Variants in ADAMTS2 observed in about 807,000 individuals in gnomAD.
The protein encoded by ADAMTS2 is A disintegrin and metalloproteinase with thrombospondin motifs 2.
A neutral mutation model predicts 123.0 loss-of-function variants in ADAMTS2; 50 were observed. That is an observed-to-expected ratio of 0.41 (90% CI 0.32 to 0.51). The LOEUF (loss-of-function observed/expected upper bound fraction) is 0.51. Among genes scored for constraint, ADAMTS2 ranks in the 20% least tolerant of loss-of-function variants. The pLI is 0.35. For synonymous variants in ADAMTS2, 678 were observed against 695.4 expected (o/e 0.98, Z 0.39); for missense variants, 1,494 against 1,705.2 (o/e 0.88, Z 2.18).
At chr5:179,289,067 G>A (rs1170190964) in intron 2 of ADAMTS2, among the ~76,000 whole-genome samples, 3 of 152,174 alleles carry the variant, frequency 2.0e-5, no homozygotes, top group Non-Finnish European at 4.4e-5. Context: ...TTCCCCGAGA[G>A]CAGGCTGCAG....
chr5:179,340,347 G>A (rs1419525548), intron 2 of ADAMTS2, among the ~76,000 whole-genome samples: 1 of 152,154 alleles, frequency 6.6e-6, no homozygotes, highest in African/African-American at 2.4e-5. Flanking sequence ...CCCCACCAGT[G>A]AGGACTTAGG....
chr5:179,121,963 C>G, intron 20 of ADAMTS2: 2 of 403,474 alleles, frequency 5.0e-6, no homozygotes, highest in Non-Finnish European at 8.8e-6. Flanking sequence ...TCAGCTATCC[C>G]GTCCCTCTCG....
intron 11 of ADAMTS2, among the ~76,000 whole-genome samples, chr5:179,139,266 G>A (rs1763119552): frequency 6.6e-6 from 1 of 152,070 alleles, no homozygotes; most frequent in African/African-American, 2.4e-5. Flanking sequence ...AGAGGAGGGT[G>A]TGGATGAGAA....
At chr5:179,249,337 G>A (rs1332385705) in intron 3 of ADAMTS2, among the ~76,000 whole-genome samples, 1 of 151,924 alleles carries the variant, frequency 6.6e-6, no homozygotes, top group East Asian at 1.9e-4. Flanking sequence ...CTTTACACAT[G>A]AAGGAACCAG....
Position 179,181,138 on chromosome 5 carries a change from A to G in ADAMTS2, c.909T>C (p.His303=). The G allele has an allele frequency of 1.2e-6, 2 of 1,613,880 alleles. No individual in the cohort carries two copies. The highest frequency in any genetic ancestry group is 1.7e-6 in the Non-Finnish European group (2 of 1,179,864). ...TGATGTGGGCACCCAAGGACTCGTC[A>G]TGGTAGATTTCATTGACCTGAAAGA... ...TLMNIVNEIY[H]DESLGAHINV... is the part of the protein sequence containing the mutation. Residue 303 remains histidine, a synonymous_variant, in exon 5 of 22, where the codon CAT becomes CAC. Coordinates refer to ENST00000251582, the MANE Select transcript of ADAMTS2 (RefSeq NM_014244.5). This position sits in a 1 kb window ranked among gnomAD's most constrained non-coding sequence, Gnocchi z 4.1.
At chr5:179,207,971 CCAGCCA>C in intron 3 of ADAMTS2, among the ~76,000 whole-genome samples, 1 of 152,292 alleles carries the variant, frequency 6.6e-6, no homozygotes, top group South Asian at 2.1e-4. Flanking sequence ...GGTGGCAACC[CCAGCCA>C]CAGCAGGGGC....
Position 179,117,170 on chromosome 5 carries a change from G to T in ADAMTS2, c.3179-2846C>A, listed in dbSNP as rs554187154. The stretch of plus-strand genomic sequence containing the variant: ...CCCACCCCATCCTCTCCAGCAGCCT[G>T]GTTTGTGAAACCACTGAGCCCTACC... On this transcript the variant is annotated intron_variant, in intron 21 of 21. Coordinates refer to ENST00000251582, the MANE Select transcript of ADAMTS2 (RefSeq NM_014244.5). This position sits in a 1 kb window ranked among gnomAD's most constrained non-coding sequence, Gnocchi z 4.2. 1.5e-3 allele frequency among the ~76,000 whole-genome samples: 227 copies of T among 152,236 alleles called. No homozygotes were observed. Among genetic ancestry groups the T allele is most frequent in the African/African-American group, 5.0e-3 (206 of 41,560 alleles).
At chr5:179,215,681 G>A (rs1764965806) in intron 3 of ADAMTS2, among the ~76,000 whole-genome samples, 1 of 152,160 alleles carries the variant, frequency 6.6e-6, no homozygotes, top group Non-Finnish European at 1.5e-5. Context: ...AAACAGATGG[G>A]CAAGTGGTAA....
intron 3 of ADAMTS2, among the ~76,000 whole-genome samples, chr5:179,210,411 C>T (rs1010032127): frequency 6.6e-6 from 1 of 152,242 alleles, no homozygotes; most frequent in Non-Finnish European, 1.5e-5. Context: ...TTAAAAACAG[C>T]AAAGGTTTCT....
chr5:179,253,480 C>CA (rs998623616), intron 3 of ADAMTS2, among the ~76,000 whole-genome samples: 10 of 151,904 alleles, frequency 6.6e-5, no homozygotes, highest in African/African-American at 1.9e-4. Context: ...CCCATCTCTA[C>CA]AAAAAATACA....
chr5:179,186,330 G>A (rs904412073), intron 4 of ADAMTS2, among the ~76,000 whole-genome samples: 7 of 152,168 alleles, frequency 4.6e-5, no homozygotes, highest in East Asian at 1.9e-4. Flanking sequence ...GTCCGGGGCC[G>A]GGCTCCTTCT....
At chr5:179,263,821 T>C (rs1383527507) in intron 3 of ADAMTS2, among the ~76,000 whole-genome samples, 1 of 152,266 alleles carries the variant, frequency 6.6e-6, no homozygotes, top group Non-Finnish European at 1.5e-5. Flanking sequence ...CCCATCTGAC[T>C]GCGCGACCTT....
rs900786824 is a variant in ADAMTS2, at chr5:179,128,901, G to A, written c.2458-783C>T. ...CAGGGTGATTTTCAACAGCGAAATC[G>A]CCCCCAAAATAGCACAAAATGTGAT... On this transcript the variant is annotated intron_variant, in intron 16 of 21. Transcript: ENST00000251582. This position sits in a 1 kb window ranked among gnomAD's most constrained non-coding sequence, Gnocchi z 4.9. 2.1e-4 allele frequency among the ~76,000 whole-genome samples: 32 copies of A among 152,120 alleles called. No homozygotes were observed. Among genetic ancestry groups the A allele is most frequent in the Admixed American group, 1.4e-3 (21 of 15,270 alleles).
intron 2 of ADAMTS2, among the ~76,000 whole-genome samples, chr5:179,322,930 C>G (rs1757226901): frequency 6.6e-6 from 1 of 152,244 alleles, no homozygotes; most frequent in African/African-American, 2.4e-5. Context: ...TCCTCCTGAG[C>G]ACGGTGTGGA....
chr5:179,135,459 G>C (rs1399833410), intron 13 of ADAMTS2, among the ~76,000 whole-genome samples: 1 of 152,226 alleles, frequency 6.6e-6, no homozygotes, highest in East Asian at 1.9e-4. Flanking sequence ...AAAGAAAACA[G>C]AGGAGGGCAT....
rs778295250 is a variant in ADAMTS2 at position 179,129,949 on chromosome 5, C to A, written c.2440G>T (p.Gly814Cys). The part of the protein sequence containing the change: ...ETLQTMGPLH[G>C]TITVLVIPVG... The stretch of plus-strand genomic sequence containing the variant: ...GGACTCACCAGAACGGTGATGGTGC[C>A]GTGGAGGGGGCCCATGGTCTGCAGC... Residue 814 changes from glycine to cysteine, a missense_variant, in exon 16 of 22, where the codon GGC (glycine) becomes TGC (cysteine). Physicochemically the swap from Gly to Cys is radical, Grantham distance 159. Around this residue, in one of 6 missense-constraint regions of ADAMTS2, gnomAD observed 953 missense variants for 1,124.7 expected, o/e 0.85. Coordinates refer to ENST00000251582, the MANE Select transcript of ADAMTS2 (RefSeq NM_014244.5). This position sits in a 1 kb window ranked among gnomAD's most constrained non-coding sequence, Gnocchi z 4.1. The A allele has an allele frequency of 6.2e-7, 1 of 1,613,936 alleles. No individual in the cohort carries two copies. The highest frequency in any genetic ancestry group is 8.5e-7 in the Non-Finnish European group (1 of 1,180,022).
intron 10 of ADAMTS2, among the ~76,000 whole-genome samples, chr5:179,148,315 G>A (rs1763289325): frequency 6.6e-6 from 1 of 152,094 alleles, no homozygotes. Context: ...TATTCCTCAA[G>A]CTGTGGAGCA....
intron 3 of ADAMTS2, among the ~76,000 whole-genome samples, chr5:179,247,836 AG>A (rs1238476173): frequency 2.0e-5 from 3 of 152,186 alleles, no homozygotes; most frequent in African/African-American, 4.8e-5. Context: ...AAACTGAGAG[AG>A]TTTGTTTTCT....
At position 179,207,537 on chromosome 5, in the gene ADAMTS2, C is replaced by T. The variant is rs1191391499; in HGVS notation, c.867G>A (p.Lys289=). 4 of 1,469,504 alleles carry T rather than the reference C, an allele frequency of 2.7e-6. No individual in the cohort carries two copies. The highest frequency in any genetic ancestry group is 3.7e-6 in the Non-Finnish European group (4 of 1,091,928). 91.0% of individuals were successfully genotyped at this position (1,469,504 alleles called of 1,614,324 possible). A position where few individuals can be genotyped will look rare whatever the true frequency, so the allele number is the denominator to read the frequency against. The change falls in exon 4 of 22, where the codon AAG becomes AAA. Residue 289 remains lysine, a synonymous_variant. Transcript: ENST00000251582. The part of the protein sequence containing the change: ...VQFHGKEHVQ[K]YLLTLMNIVN... Reference sequence around the variant, plus strand: ...CAATGTTCATGAGTGTCAGCAGGTACTTCTGTACGTGCTCCTTCCCGTGGA... The same window carrying T: ...CAATGTTCATGAGTGTCAGCAGGTATTTCTGTACGTGCTCCTTCCCGTGGA...
Sources: gnomAD v4.1 joint callset for allele counts (sites outside exome capture counted in the v4.1 genomes callset) on GRCh38, gnomAD v4.1.1 for gene constraint, gnomAD v4.1.1 regional missense constraint, Gnocchi (gnomAD v3.1) non-coding constraint, MANE v1.5 for transcripts, NCBI Gene and HGNC (gene_info 2026-07-23, HGNC 2026-07-21) for gene names.